Variants in SYNE1 observed in about 807,000 individuals in gnomAD.
The protein encoded by SYNE1 is spectrin repeat containing nuclear envelope protein 1.
A neutral mutation model predicts 1,111.0 loss-of-function variants in SYNE1; 616 were observed. That is an observed-to-expected ratio of 0.55 (90% CI 0.52 to 0.59). The LOEUF (loss-of-function observed/expected upper bound fraction) is 0.59. SYNE1 is among the 20% of genes least tolerant of loss of function. The pLI, the probability that SYNE1 is intolerant of heterozygous loss-of-function variation, is 0.00. For synonymous variants in SYNE1, 3,855 were observed against 3,825.8 expected (o/e 1.01, Z -0.28); for missense variants, 10,006 against 10,417.0 (o/e 0.96, Z 1.72).
intron 4 of SYNE1, among the ~76,000 whole-genome samples, chr6:152,538,175 C>T (rs1301995031): frequency 6.6e-6 from 1 of 152,122 alleles, no homozygotes; most frequent in Admixed American, 6.6e-5. Context: ...TTGTGCATAG[C>T]TGTTGACTAC....
At chr6:152,543,110 G>C (rs1056387237) in intron 3 of SYNE1, among the ~76,000 whole-genome samples, 2 of 151,896 alleles carry the variant, frequency 1.3e-5, no homozygotes, top group South Asian at 4.1e-4. Flanking sequence ...AATAAAAATA[G>C]TATTGTAACA....
At chr6:152,266,853 G>C (rs780003859) in intron 100 of SYNE1, among the ~76,000 whole-genome samples, 1 of 152,020 alleles carries the variant, frequency 6.6e-6, no homozygotes, top group Admixed American at 6.6e-5. Context: ...CAGACTGTAC[G>C]TAGTCAGCAT....
intron 45 of SYNE1, 146 bp downstream of exon 45, chr6:152,406,868 C>A: frequency 2.7e-5 from 12 of 444,962 alleles, no homozygotes; most frequent in Non-Finnish European, 3.4e-5. Context: ...CAAAACTTTG[C>A]CTAAAATAAT....
At chr6:152,202,085 G>C in intron 126 of SYNE1, 136 bp from the exon 127 acceptor site, 1 of 1,173,584 alleles carries the variant, frequency 8.5e-7, no homozygotes, top group Non-Finnish European at 1.2e-6. Flanking sequence ...GGTGGCTCAC[G>C]CGTGTAATCC....
chr6:152,406,431 T>C (rs536156709), intron 45 of SYNE1, among the ~76,000 whole-genome samples: 2 of 152,222 alleles, frequency 1.3e-5, no homozygotes, highest in African/African-American at 4.8e-5. Context: ...CAATTAACTT[T>C]TACTTTTCTA....
intron 58 of SYNE1, among the ~76,000 whole-genome samples, chr6:152,373,463 G>T (rs1288142416): frequency 6.6e-6 from 1 of 151,970 alleles, no homozygotes; most frequent in African/African-American, 2.4e-5. Flanking sequence ...TGTATTTTTA[G>T]TAAAGACGGG....
At chr6:152,168,480 G>GGAA in intron 130 of SYNE1, 1 of 391,788 alleles carries the variant, frequency 2.6e-6, no homozygotes, top group Non-Finnish European at 4.6e-6. Context: ...GTAAGGAGGA[G>GGAA]GAAGCTACAG....
chr6:152,619,887 G>T (rs1178231900), intron 3 of SYNE1, among the ~76,000 whole-genome samples: 2 of 152,056 alleles, frequency 1.3e-5, no homozygotes, highest in African/African-American at 4.8e-5. Context: ...TGTCTAAATG[G>T]GCTCTACATA....
chr6:152,515,035 A>G (rs372705388), intron 6 of SYNE1, among the ~76,000 whole-genome samples: 1 of 152,090 alleles, frequency 6.6e-6, no homozygotes, highest in South Asian at 2.1e-4. Context: ...CAGCCTGGCC[A>G]ATGTGGTGAA....
intron 11 of SYNE1, among the ~76,000 whole-genome samples, chr6:152,496,442 T>C (rs1156706203): frequency 6.6e-6 from 1 of 152,084 alleles, no homozygotes; most frequent in African/African-American, 2.4e-5. Context: ...CAATTCTTAG[T>C]CCTTTATTAC....
intron 54 of SYNE1, among the ~76,000 whole-genome samples, chr6:152,386,381 G>T (rs2097527012): frequency 6.6e-6 from 1 of 152,028 alleles, no homozygotes; most frequent in African/African-American, 2.4e-5. Context: ...TTGAGTCATA[G>T]CTCTTAATCA....
chr6:152,168,109 C>T, intron 130 of SYNE1: 1 of 780,540 alleles, frequency 1.3e-6, no homozygotes, highest in South Asian at 1.3e-5. Context: ...AAGAAGATGC[C>T]TGCCTTGTGA....
At chr6:152,216,797 T>G (rs1161909592) in intron 121 of SYNE1, among the ~76,000 whole-genome samples, 2 of 152,238 alleles carry the variant, frequency 1.3e-5, no homozygotes, top group African/African-American at 4.8e-5. Context: ...GGCTCATGCC[T>G]GTAATCCCAG....
At position 152,336,883 on chromosome 6, in the gene SYNE1, C is replaced by G. The variant is rs769106802; in HGVS notation, c.12486G>C (p.Glu4162Asp). Residue 4162 changes from glutamate to aspartate, a missense_variant, in exon 76 of 146, where the codon GAG becomes GAC. Transcript: ENST00000367255. ...QLQNMKRRHS[E>D]LELNIAQNMV... ...TGTTCTGTGCAATGTTCAGCTCCAG[C>G]TCAGAGTGCCTCCTCTTCATGTTCT... 6.2e-7 allele frequency: 1 copy of G among 1,614,144 alleles called. No individual in the cohort carries two copies. The highest frequency in any genetic ancestry group is 1.1e-5 in the South Asian group (1 of 91,088).
chr6:152,162,974 C>T (rs189372373), intron 131 of SYNE1, among the ~76,000 whole-genome samples: 298 of 152,164 alleles, frequency 2.0e-3, no homozygotes, highest in Non-Finnish European at 3.6e-3. Flanking sequence ...CTTAAATAGT[C>T]TGTAAAATGA....
At chr6:152,619,795 T>C (rs2099671323) in intron 3 of SYNE1, among the ~76,000 whole-genome samples, 1 of 152,050 alleles carries the variant, frequency 6.6e-6, no homozygotes, top group Non-Finnish European at 1.5e-5. Context: ...TGTCAGCTCA[T>C]AGCACGGTCC....
intron 3 of SYNE1, among the ~76,000 whole-genome samples, chr6:152,589,281 C>A (rs1320728769): frequency 1.3e-5 from 2 of 152,110 alleles, no homozygotes; most frequent in Non-Finnish European, 2.9e-5. Context: ...ATTATGTAAT[C>A]ATGAAATATA....
At chr6:152,517,824 A>G (rs2099119479) in intron 6 of SYNE1, among the ~76,000 whole-genome samples, 1 of 152,202 alleles carries the variant, frequency 6.6e-6, no homozygotes, top group African/African-American at 2.4e-5. Flanking sequence ...GTCAGAAACT[A>G]GAGAGACTGG....
chr6:152,386,948 CCAA>C, intron 54 of SYNE1, 121 bp downstream of exon 54: 3 of 840,734 alleles, frequency 3.6e-6, no homozygotes, highest in Non-Finnish European at 5.2e-6. Flanking sequence ...AGCCAATTCT[CCAA>C]CAATTTAATC....
Sources: gnomAD v4.1 joint callset for allele counts (sites outside exome capture counted in the v4.1 genomes callset) on GRCh38, gnomAD v4.1.1 for gene constraint, MANE v1.5 for transcripts, NCBI Gene and HGNC (gene_info 2026-07-23, HGNC 2026-07-21) for gene names.